POLE2: variants seen among roughly 807,000 people sequenced by gnomAD.
POLE2 encodes DNA polymerase epsilon subunit 2.
POLE2 carries 56 observed loss-of-function variants against 79.4 expected under a neutral mutation model. The observed-to-expected ratio is 0.71, with a 90% confidence interval of 0.57 to 0.88. The LOEUF (loss-of-function observed/expected upper bound fraction) is 0.88. Ranked by LOEUF, POLE2 falls within the 40% of genes least tolerant of loss-of-function variation. The probability of loss-of-function intolerance (pLI) is 0.00; values close to 1 mark genes in which losing one functional copy is unlikely to be tolerated. For missense variants in POLE2, 598 were observed against 638.9 expected, an observed-to-expected ratio of 0.94 and a Z score of 0.69; for synonymous variants, 212 against 214.0, an observed-to-expected ratio of 0.99 and a Z score of 0.08.
intron 3 of POLE2, among the ~76,000 whole-genome samples, chr14:49,679,148 C>G (rs547021977): frequency 6.6e-6 from 1 of 152,210 alleles, no homozygotes; most frequent in East Asian, 1.9e-4. Flanking sequence ...AACTGTCTCT[C>G]AGCCCATTTT....
Position 49,665,165 on chromosome 14 carries a change from TA to T in POLE2, c.577-3del. On this transcript the variant is annotated splice_polypyrimidine_tract_variant and splice_region_variant and intron_variant, in intron 7 of 18. Transcript: ENST00000216367. ...AGGATCTTCCAGAAAAAATTTTCCC[TA>T]AAAAAATGAAAATAAATAAATCCAC... 18 of 1,287,090 alleles carry T rather than the reference TA, an allele frequency of 1.4e-5. No homozygotes were observed. Among genetic ancestry groups the T allele is most frequent in the Non-Finnish European group, 1.7e-5 (15 of 888,614 alleles). 79.7% of individuals were successfully genotyped at this position (1,287,090 alleles called of 1,614,324 possible). A position where few individuals can be genotyped will look rare whatever the true frequency, so the allele number is the denominator to read the frequency against.
Position 49,654,041 on chromosome 14 carries a change from T to C in POLE2, c.1160A>G (p.Asn387Ser), listed in dbSNP as rs1884471075. The change falls in exon 15 of 19, where the codon AAT (asparagine) becomes AGT (serine). Residue 387 changes from asparagine to serine, a missense_variant. Coordinates refer to ENST00000216367, the MANE Select transcript of POLE2 (RefSeq NM_002692.4). ...AAATGGTACCCTTTGTCTGAATTCATTAGTGATGCTTTCAGCAAGTGGTGG... is the reference window on the plus strand; with the variant it reads ...AAATGGTACCCTTTGTCTGAATTCACTAGTGATGCTTTCAGCAAGTGGTGG... ...PRPPLAESITNEFRQRVPFSV... is the reference protein window; with the variant it reads ...PRPPLAESITSEFRQRVPFSV... The C allele has an allele frequency of 2.5e-6, 4 of 1,600,990 alleles. No individual in the cohort carries two copies. The South Asian group carries it at 3.3e-5, about 13-fold the overall frequency.
At position 49,650,336 on chromosome 14, in the gene POLE2, C is replaced by G. The variant is rs769049019; in HGVS notation, c.1426G>C (p.Asp476His). 1.2e-6 allele frequency: 2 copies of G among 1,611,070 alleles called. No individual in the cohort carries two copies. The highest frequency in any genetic ancestry group is 1.7e-6 in the Non-Finnish European group (2 of 1,178,370). The stretch of plus-strand genomic sequence containing the variant: ...TATTTGTCTGCAATGACAAGTAGAT[C>G]GGGCACAGGATACACTCTCAAAGCA... ...DYALRVYPVP[D>H]LLVIADKYDP... The change falls in exon 17 of 19, where the codon GAT becomes CAT. Residue 476 changes from aspartate (D) to histidine (H), a missense_variant. Asp to His is a moderately conservative substitution (Grantham distance 81). Transcript: ENST00000216367.
chr14:49,685,238 T>C (rs927943823), intron 1 of POLE2, among the ~76,000 whole-genome samples: 2 of 152,298 alleles, frequency 1.3e-5, no homozygotes, highest in Admixed American at 1.3e-4. Flanking sequence ...ATATATTGGG[T>C]TGCTTTATTA....
chr14:49,688,116 A>G lies in POLE2; in HGVS notation c.68+20T>C, dbSNP rs774968684. ...CCCAGCTCTTCCCTCTCGCCCTTCA[A>G]GCTGCCCGAGCCCACTCACCCACGG... On this transcript the variant is annotated intron_variant, in intron 1 of 18. Transcript: ENST00000216367. 1 of 1,543,462 alleles carries G rather than the reference A, an allele frequency of 6.5e-7. No individual in the cohort carries two copies.
At position 49,683,620 on chromosome 14, in the gene POLE2, T is replaced by A; in HGVS notation, c.142A>T (p.Ile48Leu). The change falls in exon 2 of 19, where the codon ATA (isoleucine) becomes TTA (leucine). Residue 48 changes from isoleucine (I) to leucine (L), a missense_variant. Transcript: ENST00000216367. ...ELELEDKLEK[I>L]INAVEKQPLS... ...GGTTGCTTCTCAACTGCATTAATTA[T>A]CTTTTCCAGTTTATCTTCAAGCTCT... 1.3e-6 allele frequency: 2 copies of A among 1,581,154 alleles called. No homozygotes were observed. The highest frequency in any genetic ancestry group is 2.2e-5 in the South Asian group (2 of 89,820).
chr14:49,681,885 C>A (rs958321903), intron 2 of POLE2: 1 of 152,812 alleles, frequency 6.5e-6, no homozygotes, highest in African/African-American at 2.4e-5. Context: ...AAGCAAATGC[C>A]TTGAAGGAGT....
chr14:49,650,429 T>C lies in POLE2; in HGVS notation c.1333A>G (p.Ile445Val), dbSNP rs1566528751. Residue 445 changes from isoleucine (I) to valine (V), a missense_variant, in exon 17 of 19, where the codon ATC (isoleucine) becomes GTC (valine). Transcript: ENST00000216367. ...LAIPNHFVKT[I>V]LSQGHLTPLP... ...GGAGTCAGATGTCCTTGGGATAAGA[T>C]AGTCTTTACAAACTACAAAAGAGCA... The C allele has an allele frequency of 1.0e-5, 15 of 1,492,812 alleles. No individual in the cohort carries two copies. Among genetic ancestry groups the C allele is most frequent in the Non-Finnish European group, 1.3e-5 (15 of 1,114,556 alleles). 92.5% of individuals were successfully genotyped at this position (1,492,812 alleles called of 1,614,324 possible).
chr14:49,643,726 T>G, intron 18 of POLE2, 56 bp from the exon 19 acceptor site: 1 of 876,618 alleles, frequency 1.1e-6, no homozygotes, highest in South Asian at 1.5e-5. Flanking sequence ...TACTTACTAA[T>G]AGTTGTAGTT....
intron 18 of POLE2, among the ~76,000 whole-genome samples, chr14:49,646,302 G>GTTT (rs1162033821): frequency 0.021 from 1,758 of 84,246 alleles, 161 homozygotes; most frequent in Middle Eastern, 0.026. Flanking sequence ...TTTTTTGTTG[G>GTTT]TTTTTTTTTT....
At chr14:49,667,657 A>T (rs1299579508) in intron 6 of POLE2, among the ~76,000 whole-genome samples, 9 of 151,288 alleles carry the variant, frequency 5.9e-5, no homozygotes, top group African/African-American at 2.2e-4. Flanking sequence ...TGATCCTTCC[A>T]CCTCAGCCCC....
intron 6 of POLE2, among the ~76,000 whole-genome samples, chr14:49,668,123 A>G (rs1885616792): frequency 6.6e-6 from 1 of 151,786 alleles, no homozygotes; most frequent in Non-Finnish European, 1.5e-5. Flanking sequence ...AATACAAAAA[A>G]ATTAGTTGGG....
chr14:49,669,512 T>TA lies in POLE2; in HGVS notation c.492+11dup, dbSNP rs556915508. 2.9e-5 allele frequency: 41 copies of TA among 1,397,382 alleles called. No individual in the cohort carries two copies. The highest frequency in any genetic ancestry group is 1.8e-4 in the Middle Eastern group (1 of 5,680). 86.6% of individuals were successfully genotyped at this position (1,397,382 alleles called of 1,614,324 possible). A position where few individuals can be genotyped will look rare whatever the true frequency, so the allele number is the denominator to read the frequency against. The stretch of plus-strand genomic sequence containing the variant: ...ACTTATACCCCCTACATAACTAGGA[T>TA]AATGTTCTAACCTGGAATTTGCTTC... On this transcript the variant is annotated intron_variant, in intron 6 of 18. Transcript: ENST00000216367.
intron 17 of POLE2, among the ~76,000 whole-genome samples, chr14:49,647,869 TAC>T (rs1883899539): frequency 6.6e-6 from 1 of 152,268 alleles, no homozygotes; most frequent in East Asian, 1.9e-4. Context: ...ACGATCTTTT[TAC>T]AGAGTTGTTA....
At chr14:49,683,555 T>C (rs1284955910) in intron 2 of POLE2, 38 bp downstream of exon 2, 6 of 910,352 alleles carry the variant, frequency 6.6e-6, no homozygotes, top group Non-Finnish European at 1.1e-5. Context: ...TGCAGAACTA[T>C]ATTAACAATT....
chr14:49,646,824 TATGTAGATC>T (rs1402890743), intron 18 of POLE2: 1 of 152,604 alleles, frequency 6.6e-6, no homozygotes, highest in East Asian at 1.9e-4. Context: ...GTGGGTGATC[TATGTAGATC>T]ACCCTGTGAA....
intron 1 of POLE2, among the ~76,000 whole-genome samples, chr14:49,685,843 G>A (rs574303119): frequency 1.8e-4 from 27 of 151,604 alleles, no homozygotes; most frequent in Admixed American, 3.3e-4. Context: ...TGGTCAGGCC[G>A]GTCTCGAATT....
intron 6 of POLE2, 29 bp downstream of exon 6, chr14:49,669,495 C>A: frequency 9.6e-7 from 1 of 1,044,854 alleles, no homozygotes; most frequent in African/African-American, 1.6e-5. Context: ...ACACTTATAC[C>A]CCCTACATAA....
At chr14:49,685,213 A>G (rs1484133656) in intron 1 of POLE2, among the ~76,000 whole-genome samples, 1 of 152,224 alleles carries the variant, frequency 6.6e-6, no homozygotes, top group African/African-American at 2.4e-5. Flanking sequence ...TTATAGCCAT[A>G]ACACTAATTG....
Sources: gnomAD v4.1 joint callset for allele counts (sites outside exome capture counted in the v4.1 genomes callset) on GRCh38, gnomAD v4.1.1 for gene constraint, MANE v1.5 for transcripts, NCBI Gene and HGNC (gene_info 2026-07-23, HGNC 2026-07-21) for gene names.